Variants in IGSF23 observed in about 807,000 individuals in gnomAD.
IGSF23 encodes the protein immunoglobulin superfamily member 23, also known as immunoglobulin superfamily, member 23.
A neutral mutation model predicts 17.8 loss-of-function variants in IGSF23; 14 were observed. The observed-to-expected ratio is 0.79, with a 90% confidence interval of 0.52 to 1.23. IGSF23 has a LOEUF of 1.23. IGSF23 is among the 50% of genes most tolerant of loss of function. The pLI is 0.00. For missense variants in IGSF23, 214 were observed against 241.7 expected, an observed-to-expected ratio of 0.89 and a Z score of 0.76; for synonymous variants, 85 against 92.5, an observed-to-expected ratio of 0.92 and a Z score of 0.46.
intron 1 of IGSF23, among the ~76,000 whole-genome samples, chr19:44,620,384 T>A (rs186222321): frequency 0.024 from 3,437 of 142,822 alleles, 11 homozygotes; most frequent in Admixed American, 0.035. Context: ...TGTGTGTGTG[T>A]GAGATGGAGC....
Position 44,613,729 on chromosome 19 carries a change from AG to A in IGSF23, c.85del (p.Glu29ArgfsTer17), listed in dbSNP as rs1972302552. ...CCACCACCACCACTGACCCGATGCT[AG>A]AGAAGGATGCGGCTGGAGGTGACTT... ...PPTTTTDPML[E>X]KDAAGGDFPA... On this transcript the variant is annotated frameshift_variant, in exon 1 of 5. Coordinates refer to ENST00000402988, the MANE Select transcript of IGSF23 (RefSeq NM_001205280.2). LOFTEE classifies it high-confidence loss of function. 6.4e-7 allele frequency: 1 copy of A among 1,550,432 alleles called. No homozygotes were observed. Among genetic ancestry groups the A allele is most frequent in the African/African-American group, 1.4e-5 (1 of 73,040 alleles).
intron 1 of IGSF23, chr19:44,620,747 G>A (rs777644094): frequency 6.6e-6 from 1 of 152,240 alleles, no homozygotes; most frequent in Non-Finnish European, 1.5e-5. Flanking sequence ...TCTAAAGAGA[G>A]AGGTTGCAGG....
intron 1 of IGSF23, among the ~76,000 whole-genome samples, chr19:44,615,558 G>A (rs1166760491): frequency 6.6e-6 from 1 of 151,810 alleles, no homozygotes; most frequent in Non-Finnish European, 1.5e-5. Context: ...AGGAGGCGGA[G>A]GTTGCGGTTA....
At chr19:44,617,311 G>A (rs954901110) in intron 1 of IGSF23, among the ~76,000 whole-genome samples, 7 of 151,858 alleles carry the variant, frequency 4.6e-5, no homozygotes, top group African/African-American at 7.3e-5. Context: ...TGACGAAAAT[G>A]TCCTTAAATT....
intron 3 of IGSF23, among the ~76,000 whole-genome samples, chr19:44,630,119 C>T (rs1972734416): frequency 6.6e-6 from 1 of 152,130 alleles, no homozygotes; most frequent in African/African-American, 2.4e-5. Flanking sequence ...CTGTACAGAC[C>T]TCTGTAATCT....
rs757196933 is a variant in IGSF23 at position 44,623,879 on chromosome 19, C to T, written c.298C>T (p.Arg100Trp). 204 of 1,550,722 alleles carry T rather than the reference C, an allele frequency of 1.3e-4. No homozygotes were observed. The highest frequency in any genetic ancestry group is 1.7e-4 in the Non-Finnish European group (198 of 1,147,068). ...GATGGGAGAGAAGCTGTTCATCCGA[C>T]GGTTGTCCTGTGAGCAGCTGGGCAC... is the stretch of plus-strand genomic sequence containing the variant. ...CGMGEKLFIRRLSCEQLGTYM... is the reference protein window; with the variant it reads ...CGMGEKLFIRWLSCEQLGTYM... Residue 100 changes from arginine to tryptophan, a missense_variant, in exon 2 of 5, where the codon CGG becomes TGG. Arg to Trp is a moderately radical substitution (Grantham distance 101). Transcript: ENST00000402988.
chr19:44,624,298 T>A (rs949017748), intron 2 of IGSF23, among the ~76,000 whole-genome samples: 3 of 150,850 alleles, frequency 2.0e-5, no homozygotes, highest in African/African-American at 7.3e-5. Context: ...TTCTTTTTTT[T>A]TTTTTTGATA....
chr19:44,634,742 A>C (rs1021229376), intron 3 of IGSF23, among the ~76,000 whole-genome samples: 2 of 151,832 alleles, frequency 1.3e-5, no homozygotes, highest in Non-Finnish European at 2.9e-5. Context: ...CGGAAGTTGC[A>C]GTAAGCCAAA....
chr19:44,614,365 A>G (rs895568014), intron 1 of IGSF23, among the ~76,000 whole-genome samples: 4 of 152,166 alleles, frequency 2.6e-5, no homozygotes, highest in Non-Finnish European at 5.9e-5. Context: ...TAAAATAATA[A>G]CAGCCGTAAT....
chr19:44,636,314 C>T (rs1972887454), intron 4 of IGSF23, 105 bp from the exon 5 acceptor site: 1 of 152,202 alleles, frequency 6.6e-6, no homozygotes, highest in Non-Finnish European at 1.5e-5. Flanking sequence ...ACACACAGCT[C>T]TCTCTGCCAG....
In IGSF23 at chr19:44,622,416, C is replaced by G. The variant is rs1038501948; in HGVS notation, c.126-1291C>G. ...CAGCTCTAAGTGGAAGTTCCCAGCA[C>G]AGTCTGGGAGTTCAAATCCCAGATG... On this transcript the variant is annotated intron_variant, in intron 1 of 4. Transcript: ENST00000402988. Among the ~76,000 whole-genome samples, 6 of 152,302 alleles carry G rather than the reference C, an allele frequency of 3.9e-5. No individual in the cohort carries two copies. In the South Asian group the frequency reaches 1.2e-3, roughly 32 times the overall value.
At position 44,627,435 on chromosome 19, in the gene IGSF23, C is replaced by A; in HGVS notation, c.407C>A (p.Pro136His). 2 of 1,544,644 alleles carry A rather than the reference C, an allele frequency of 1.3e-6. No homozygotes were observed. The highest frequency in any genetic ancestry group is 1.8e-6 in the Non-Finnish European group (2 of 1,142,734). Residue 136 changes from proline to histidine, a missense_variant, in exon 3 of 5, where the codon CCC becomes CAC. Coordinates refer to ENST00000402988, the MANE Select transcript of IGSF23 (RefSeq NM_001205280.2). ...TISLPKPIMQ[P>H]TEAEPMEPDP... Reference sequence around the variant, plus strand: ...TGGTCCCCAGAACCCATCATGCAGCCCACAGAAGCAGAGCCCATGGAGCCA... The same window carrying A: ...TGGTCCCCAGAACCCATCATGCAGCACACAGAAGCAGAGCCCATGGAGCCA...
chr19:44,624,088 C>T, intron 2 of IGSF23, 116 bp downstream of exon 2: 1 of 870,318 alleles, frequency 1.1e-6, no homozygotes, highest in Non-Finnish European at 1.7e-6. Flanking sequence ...CCCTGTGAGA[C>T]CCTTTATAGG....
At chr19:44,625,898 C>A (rs757502970) in intron 2 of IGSF23, among the ~76,000 whole-genome samples, 6 of 152,192 alleles carry the variant, frequency 3.9e-5, no homozygotes, top group Non-Finnish European at 7.3e-5. Flanking sequence ...AGTTCCCCTG[C>A]ACACATTCTC....
chr19:44,618,326 A>C (rs1350522941), intron 1 of IGSF23: 1 of 384,222 alleles, frequency 2.6e-6, no homozygotes, highest in Non-Finnish European at 5.2e-6. Context: ...TGGTCATTAG[A>C]AAATGACGGC....
Position 44,620,200 on chromosome 19 carries a change from C to T in IGSF23, c.126-3507C>T, listed in dbSNP as rs184044315. Among the ~76,000 whole-genome samples, 50 of 151,968 alleles carry T rather than the reference C, an allele frequency of 3.3e-4. 1 individual carries two copies. Among genetic ancestry groups the T allele is most frequent in the African/African-American group, 1.2e-3 (49 of 41,432 alleles). ...AGTAGAATCGCTTGAACCTGGGAGT[C>T]GGAGGTTGCAATGAGCCAAGACCAT... On this transcript the variant is annotated intron_variant, in intron 1 of 4. Coordinates refer to ENST00000402988, the MANE Select transcript of IGSF23 (RefSeq NM_001205280.2).
chr19:44,618,590 G>C (rs112841651), intron 1 of IGSF23, among the ~76,000 whole-genome samples: 1,640 of 152,290 alleles, frequency 0.011, 25 homozygotes, highest in African/African-American at 0.036. Context: ...GTGTTCAGCT[G>C]TTGGGGTGTC....
intron 3 of IGSF23, among the ~76,000 whole-genome samples, chr19:44,632,937 G>C (rs901481972): frequency 6.6e-6 from 1 of 152,188 alleles, no homozygotes; most frequent in African/African-American, 2.4e-5. Context: ...AATGAACCAC[G>C]TATGAAGAAT....
chr19:44,628,755 A>T (rs1388419069), intron 3 of IGSF23, among the ~76,000 whole-genome samples: 2 of 152,174 alleles, frequency 1.3e-5, no homozygotes, highest in Non-Finnish European at 2.9e-5. Context: ...CTGAGTCAAA[A>T]AAGTAATAAT....
Sources: allele counts gnomAD v4.1 joint callset (sites outside exome capture counted in the v4.1 genomes callset), GRCh38; gene constraint gnomAD v4.1.1; transcripts MANE v1.5; gene names NCBI Gene and HGNC (gene_info 2026-07-23, HGNC 2026-07-21).